The following DNAH3 variants were observed in gnomAD, a reference collection of about 807,000 sequenced individuals.
DNAH3 encodes axonemal beta dynein heavy chain 3.
A neutral mutation model predicts 432.5 loss-of-function variants in DNAH3; 332 were observed. The ratio of observed to expected loss-of-function variants is 0.77; its 90% CI spans 0.70 to 0.84. DNAH3 has a LOEUF of 0.84. Among genes scored for constraint, DNAH3 ranks in the 40% least tolerant of loss-of-function variants. The probability of loss-of-function intolerance (pLI) is 0.00; values close to 1 mark genes in which losing one functional copy is unlikely to be tolerated. For missense variants in DNAH3, 4,861 were observed against 5,114.0 expected, an observed-to-expected ratio of 0.95 and a Z score of 1.51; for synonymous variants, 1,956 against 1,900.2, an observed-to-expected ratio of 1.03 and a Z score of -0.76.
At chr16:20,963,773 G>C in exon 53 of DNAH3, 2 of 1,614,018 alleles carry the variant, frequency 1.2e-6, no homozygotes, top group Non-Finnish European at 1.7e-6. Context: ...GAGAAGAGTA[G>C]CTTGTCCTTC....
At chr16:21,145,081 C>A in intron 3 of DNAH3, 100 bp downstream of exon 4, 1 of 1,080,064 alleles carries the variant, frequency 9.3e-7, no homozygotes, top group South Asian at 1.5e-5. Context: ...CATGGCACTC[C>A]AGCCTGGGCG....
rs768031615 is a variant in DNAH3, at chr16:21,098,656, T to C, written c.2480A>G (p.Glu827Gly). Residue 827 changes from glutamate (E) to glycine (G), a missense_variant, in exon 17 of 62, where the codon GAG becomes GGG. Physicochemically the swap from Glu to Gly is moderately conservative, Grantham distance 98. Coordinates refer to ENST00000261383, the Ensembl canonical transcript of DNAH3. ...CGCCCGATTTAGGTTCTTTGAAAGCTCATTAAGCTTTTCAACATTGTGCTT... is the reference window on the plus strand; with the variant it reads ...CGCCCGATTTAGGTTCTTTGAAAGCCCATTAAGCTTTTCAACATTGTGCTT... The C allele has an allele frequency of 6.8e-6, 11 of 1,613,286 alleles. No homozygotes were observed. The South Asian group carries it at 1.2e-4, about 18-fold the overall frequency.
At chr16:21,141,209 A>T in intron 4 of DNAH3, 91 bp downstream of exon 5, 1 of 887,686 alleles carries the variant, frequency 1.1e-6, no homozygotes, top group Non-Finnish European at 1.7e-6. Context: ...AATGCTTTGA[A>T]GCCAAGAAGC....
chr16:21,056,763 C>T (rs1160448810), intron 27 of DNAH3, among the ~76,000 whole-genome samples: 1 of 152,096 alleles, frequency 6.6e-6, no homozygotes, highest in Non-Finnish European at 1.5e-5. Context: ...AAACATTCTC[C>T]CTAACTATGG....
chr16:20,958,464 C>T (rs1448003211), intron 54 of DNAH3, among the ~76,000 whole-genome samples: 1 of 152,150 alleles, frequency 6.6e-6, no homozygotes, highest in African/African-American at 2.4e-5. Context: ...TTACCTTCTC[C>T]AACAACTTTT....
At chr16:21,045,096 T>C (rs1203072764) in intron 31 of DNAH3, among the ~76,000 whole-genome samples, 3 of 152,154 alleles carry the variant, frequency 2.0e-5, no homozygotes, top group African/African-American at 7.2e-5. Flanking sequence ...TTGAGGATTT[T>C]TGCATCGATG....
chr16:21,098,143 T>C (rs1459003573), intron 17 of DNAH3, among the ~76,000 whole-genome samples: 5 of 152,070 alleles, frequency 3.3e-5, no homozygotes, highest in Non-Finnish European at 7.4e-5. Context: ...TGGGAAAAGG[T>C]AGTTGAAAGT....
exon 34 of DNAH3, chr16:21,037,779 T>C (rs1329771172): frequency 1.2e-6 from 2 of 1,614,134 alleles, no homozygotes; most frequent in East Asian, 2.2e-5. Context: ...GAGGGACATC[T>C]TGCGCTAAGA....
intron 55 of DNAH3, among the ~76,000 whole-genome samples, 163 bp from the exon 56 acceptor site, chr16:20,952,712 A>C (rs2084370756): frequency 6.6e-6 from 1 of 152,194 alleles, no homozygotes; most frequent in South Asian, 2.1e-4. Context: ...TTTACCACCA[A>C]CATGGGAGCC....
At chr16:21,106,727 A>G in intron 14 of DNAH3, 53 bp from the exon 15 acceptor site, 1 of 1,338,248 alleles carries the variant, frequency 7.5e-7, no homozygotes, top group Non-Finnish European at 9.9e-7. Flanking sequence ...CATCATCACC[A>G]TCTAAAATGA....
At chr16:20,934,360 T>C (rs2083513906) in intron 61 of DNAH3, among the ~76,000 whole-genome samples, 2 of 152,222 alleles carry the variant, frequency 1.3e-5, no homozygotes, top group Admixed American at 1.3e-4. Flanking sequence ...AAACCCATCA[T>C]AAGTTGAACA....
At chr16:20,989,656 T>C (rs534180217) in intron 44 of DNAH3, among the ~76,000 whole-genome samples, 89 of 152,242 alleles carry the variant, frequency 5.8e-4, no homozygotes, top group African/African-American at 2.1e-3. Context: ...TCCTCAGCCT[T>C]TGGGTGGTCG....
At chr16:21,001,339 T>C (rs1007940349) in intron 42 of DNAH3, among the ~76,000 whole-genome samples, 2 of 152,158 alleles carry the variant, frequency 1.3e-5, no homozygotes, top group Admixed American at 6.6e-5. Context: ...AAGATGATTA[T>C]ATCATACACT....
intron 7 of DNAH3, among the ~76,000 whole-genome samples, chr16:21,129,745 A>T (rs550289804): frequency 6.7e-6 from 1 of 149,638 alleles, no homozygotes; most frequent in Admixed American, 6.7e-5. Flanking sequence ...TCAAAAACAA[A>T]AACAAATGCA....
intron 52 of DNAH3, among the ~76,000 whole-genome samples, chr16:20,967,754 C>T (rs1300330808): frequency 6.6e-6 from 1 of 151,820 alleles, no homozygotes; most frequent in Non-Finnish European, 1.5e-5. Context: ...GTGATCCTCC[C>T]ATCTTGGCCT....
At position 21,060,258 on chromosome 16, in the gene DNAH3, G is replaced by A; in HGVS notation, c.3813+6C>T. The A allele has an allele frequency of 1.2e-6, 2 of 1,611,708 alleles. No individual in the cohort carries two copies. Among genetic ancestry groups the A allele is most frequent in the Non-Finnish European group, 1.7e-6 (2 of 1,177,910 alleles). On this transcript the variant is annotated splice_donor_region_variant and intron_variant, in intron 26 of 61. Coordinates refer to ENST00000261383, the Ensembl canonical transcript of DNAH3. ...TCCTGGCATGTGTACCCCGGTTCTT[G>A]TTTACCTTGACATATGCTTCAATCC...
chr16:21,111,999 A>G, exon 13 of DNAH3: 1 of 1,613,248 alleles, frequency 6.2e-7, no homozygotes, highest in Non-Finnish European at 8.5e-7. Context: ...CTACCGTCAC[A>G]AAATCATCAA....
Position 21,141,391 on chromosome 16 carries a change from A to C in DNAH3, c.449-19T>G, listed in dbSNP as rs368582171. ...CTATTTCCTGGAAGAATGGAGAAGA[A>C]AGACATCAGTGATGGGCAATGGCCT... On this transcript the variant is annotated intron_variant, in intron 3 of 61. Coordinates refer to ENST00000261383, the Ensembl canonical transcript of DNAH3. 35 of 1,569,558 alleles carry C rather than the reference A, an allele frequency of 2.2e-5. No individual in the cohort carries two copies. The highest frequency in any genetic ancestry group is 1.3e-4 in the South Asian group (11 of 86,746).
At chr16:20,971,236 G>C (rs1328611301) in intron 51 of DNAH3, among the ~76,000 whole-genome samples, 1 of 150,818 alleles carries the variant, frequency 6.6e-6, no homozygotes, top group South Asian at 2.1e-4. Context: ...AACTAACTTT[G>C]TCTCCATATA....
Sources: gnomAD v4.1 joint callset for allele counts (sites outside exome capture counted in the v4.1 genomes callset) on GRCh38, gnomAD v4.1.1 for gene constraint, MANE v1.5 for transcripts, NCBI Gene and HGNC (gene_info 2026-07-23, HGNC 2026-07-21) for gene names.